The following RBP7 variants were observed in gnomAD, a reference collection of about 807,000 sequenced individuals.
The protein encoded by RBP7 is retinoid-binding protein 7.
Under a neutral mutation model 16.7 loss-of-function variants are expected in RBP7, and 13 were observed. That is an observed-to-expected ratio of 0.78 (90% CI 0.51 to 1.24). The LOEUF is 1.24. RBP7 is among the 50% of genes most tolerant of loss of function. The pLI, the probability that RBP7 is intolerant of heterozygous loss-of-function variation, is 0.00. For synonymous variants in RBP7, 54 were observed against 56.2 expected, an observed-to-expected ratio of 0.96 and a Z score of 0.17; for missense variants, 145 against 159.5, an observed-to-expected ratio of 0.91 and a Z score of 0.49.
At chr1:10,010,687 G>A (rs1266645178) in intron 3 of RBP7, among the ~76,000 whole-genome samples, 2 of 151,090 alleles carry the variant, frequency 1.3e-5, no homozygotes, top group African/African-American at 2.4e-5. Flanking sequence ...CGGGTTCAAC[G>A]ATTTTCCTGC....
chr1:9,997,457 C>T lies in RBP7; in HGVS notation c.73+126C>T, dbSNP rs986561552. 1.6e-5 allele frequency: 14 copies of T among 852,132 alleles called. No homozygotes were observed. In the African/African-American group the frequency reaches 2.0e-4, roughly 12 times the overall value. The allele number at this position is 852,132 out of a possible 1,614,324, so 52.8% of individuals were successfully genotyped here. ...GCCTCCGCCCTGCTGCGCCCACCGT[C>T]GCCCAGTCGCCCCCGAGTCCGCTGG... On this transcript the variant is annotated intron_variant, in intron 1 of 3. Coordinates refer to ENST00000294435, the MANE Select transcript of RBP7 (RefSeq NM_052960.3). The surrounding 1 kb of genome is among the most constrained non-coding windows in gnomAD (Gnocchi z 5.9).
intron 3 of RBP7, among the ~76,000 whole-genome samples, chr1:10,012,211 CA>C (rs35228920): frequency 2.7e-3 from 137 of 50,748 alleles, no homozygotes; most frequent in Middle Eastern, 0.028. Context: ...AACTCCATCT[CA>C]AAAAAAAAAA....
In RBP7 at chr1:10,007,595, A is replaced by G; in HGVS notation, c.99A>G (p.Ile33Met). 1 of 1,611,276 alleles carries G rather than the reference A, an allele frequency of 6.2e-7. No homozygotes were observed. The highest frequency in any genetic ancestry group is 8.5e-7 in the Non-Finnish European group (1 of 1,179,286). ...GTATTGACTTTGCCACTCGTAAAAT[A>G]GCCAAGTTGCTGAAGCCACAGAAAG... ...ALGIDFATRKIAKLLKPQKVI... is the reference protein window; with the variant it reads ...ALGIDFATRKMAKLLKPQKVI... The change falls in exon 2 of 4, where the codon ATA becomes ATG. Residue 33 changes from isoleucine to methionine, a missense_variant. Ile to Met is a conservative substitution (Grantham distance 10). Transcript: ENST00000294435.
chr1:9,997,330 A>G lies in RBP7; in HGVS notation c.72A>G (p.Leu24=). ...SDNFEGYMLA[L]GIDFATRKIA... is the part of the protein sequence containing the mutation. ...ACTTCGAGGGCTACATGCTGGCCCTAGGTAAGGCGGAGGGGAGGCGGCGGC... is the reference window on the plus strand; with the variant it reads ...ACTTCGAGGGCTACATGCTGGCCCTGGGTAAGGCGGAGGGGAGGCGGCGGC... Residue 24 remains leucine (L), a splice_region_variant and synonymous_variant, in exon 1 of 4, where the codon CTA becomes CTG. Coordinates refer to ENST00000294435, the MANE Select transcript of RBP7 (RefSeq NM_052960.3). This position sits in a 1 kb window ranked among gnomAD's most constrained non-coding sequence, Gnocchi z 5.9. 1 of 1,610,508 alleles carries G rather than the reference A, an allele frequency of 6.2e-7. No homozygotes were observed. The highest frequency in any genetic ancestry group is 1.1e-5 in the South Asian group (1 of 90,786).
At chr1:10,006,517 G>GA (rs1003247275) in intron 1 of RBP7, among the ~76,000 whole-genome samples, 6 of 151,336 alleles carry the variant, frequency 4.0e-5, no homozygotes, top group Non-Finnish European at 8.8e-5. Context: ...CTCAAAAAAA[G>GA]AAAAAAATTA....
In RBP7 at chr1:10,015,857, T is replaced by C. The variant is rs1469754058; in HGVS notation, c.*25T>C. ...ATCCACATCCAGCAGCAGAGCCCAC[T>C]TGTGGCTGCAGCTTTATGCCAAATT... is the stretch of plus-strand genomic sequence containing the variant. On this transcript the variant is annotated 3_prime_UTR_variant, in exon 4 of 4. Transcript: ENST00000294435. The C allele has an allele frequency of 6.2e-6, 10 of 1,611,142 alleles. No homozygotes were observed. The highest frequency in any genetic ancestry group is 3.3e-5 in the South Asian group (3 of 91,026).
chr1:10,011,075 G>A (rs1017955456), intron 3 of RBP7, among the ~76,000 whole-genome samples: 2 of 152,230 alleles, frequency 1.3e-5, no homozygotes, highest in Non-Finnish European at 2.9e-5. Flanking sequence ...ATACAAAGCT[G>A]TTTTATGAGT....
intron 3 of RBP7, among the ~76,000 whole-genome samples, chr1:10,014,304 G>T (rs765742264): frequency 6.6e-6 from 1 of 152,070 alleles, no homozygotes; most frequent in Admixed American, 6.6e-5. Context: ...TGAGGTGCTG[G>T]GAGGGCTGTG....
rs1269076501 is a variant in RBP7 at position 10,010,581 on chromosome 1, T to TG, written c.354+2307_354+2308insG. Among the ~76,000 whole-genome samples the TG allele has an allele frequency of 7.8e-4, 116 of 148,262 alleles. 1 individual carries two copies. The highest frequency in any genetic ancestry group is 2.7e-3 in the African/African-American group (109 of 40,048). On this transcript the variant is annotated intron_variant, in intron 3 of 3. Coordinates refer to ENST00000294435, the MANE Select transcript of RBP7 (RefSeq NM_052960.3). ...ACAGGCACCCGCCACCATGCCCAGC[T>TG]AATTTTTTTTTTTTTTTTTTGAGAC...
intron 3 of RBP7, among the ~76,000 whole-genome samples, 163 bp downstream of exon 3, chr1:10,008,437 T>G (rs1013662043): frequency 2.5e-4 from 36 of 141,936 alleles, no homozygotes; most frequent in African/African-American, 9.9e-4. Context: ...AAACCCCATC[T>G]CTACTATTTT....
chr1:10,004,065 ATTTTTTTT>A (rs56955055), intron 1 of RBP7: 5 of 83,216 alleles, frequency 6.0e-5, no homozygotes, highest in South Asian at 4.5e-4. Flanking sequence ...CTGCCTCACA[ATTTTTTTT>A]TTTTTTTTTT....
chr1:10,010,788 T>C (rs1642595148), intron 3 of RBP7, among the ~76,000 whole-genome samples: 1 of 142,306 alleles, frequency 7.0e-6, no homozygotes, highest in Non-Finnish European at 1.5e-5. Flanking sequence ...TTCTCCATGT[T>C]GGTCAGGCTG....
chr1:10,006,675 A>G (rs1642446851), intron 1 of RBP7, among the ~76,000 whole-genome samples: 1 of 150,592 alleles, frequency 6.6e-6, no homozygotes, highest in Non-Finnish European at 1.5e-5. Context: ...AACCTGGGCG[A>G]CAGAGTGAGA....
intron 3 of RBP7, among the ~76,000 whole-genome samples, chr1:10,010,494 G>A (rs1305138025): frequency 6.6e-6 from 1 of 151,746 alleles, no homozygotes; most frequent in African/African-American, 2.4e-5. Context: ...TCGGCCCCCT[G>A]CAACCTCCAC....
At chr1:10,007,249 C>T (rs1642473420) in intron 1 of RBP7, 1 of 285,744 alleles carries the variant, frequency 3.5e-6, no homozygotes, top group African/African-American at 2.3e-5. Flanking sequence ...ACCTGGCCTA[C>T]AGTTTTTATT....
intron 1 of RBP7, among the ~76,000 whole-genome samples, chr1:10,005,568 G>GTT (rs891785466): frequency 4.9e-5 from 7 of 143,518 alleles, no homozygotes; most frequent in Admixed American, 7.0e-5. Context: ...TGTTGTTTGG[G>GTT]TTTTTTTTTT....
At chr1:10,013,112 G>A (rs1339600947) in intron 3 of RBP7, among the ~76,000 whole-genome samples, 26 of 140,662 alleles carry the variant, frequency 1.8e-4, no homozygotes, top group Admixed American at 1.6e-3. Flanking sequence ...TCACTCTGTC[G>A]CCCATCCTGG....
intron 1 of RBP7, among the ~76,000 whole-genome samples, chr1:10,001,021 A>G (rs940422366): frequency 8.5e-5 from 13 of 152,166 alleles, no homozygotes; most frequent in Non-Finnish European, 1.6e-4. Flanking sequence ...GGCGTGAGCT[A>G]CCGTGCCTGG....
intron 1 of RBP7, 31 bp from the exon 2 acceptor site, chr1:10,007,539 T>A: frequency 6.8e-7 from 1 of 1,465,986 alleles, no homozygotes; most frequent in Non-Finnish European, 9.2e-7. Flanking sequence ...CTCAAGCGAA[T>A]GTTCAAATAT....
Sources: gnomAD v4.1 joint callset for allele counts (sites outside exome capture counted in the v4.1 genomes callset) on GRCh38, gnomAD v4.1.1 for gene constraint, Gnocchi (gnomAD v3.1) non-coding constraint, MANE v1.5 for transcripts, NCBI Gene and HGNC (gene_info 2026-07-23, HGNC 2026-07-21) for gene names.